Variants in ABCA6 observed in about 807,000 individuals in gnomAD.
ABCA6 encodes ATP binding cassette subfamily A member 6, also known as ATP-binding cassette sub-family A member 6.
Under a neutral mutation model 191.2 loss-of-function variants are expected in ABCA6, and 164 were observed. The ratio of observed to expected loss-of-function variants is 0.86; its 90% CI spans 0.76 to 0.98. The LOEUF (loss-of-function observed/expected upper bound fraction) is 0.98. Among genes scored for constraint, ABCA6 ranks in the 50% least tolerant of loss-of-function variants. ABCA6 has a pLI of 0.00. For missense variants in ABCA6, 1,958 were observed against 1,894.1 expected, an observed-to-expected ratio of 1.03 and a Z score of -0.63; for synonymous variants, 636 against 647.7, an observed-to-expected ratio of 0.98 and a Z score of 0.27.
intron 37 of ABCA6, among the ~76,000 whole-genome samples, chr17:69,079,824 G>T (rs565380359): frequency 3.3e-5 from 5 of 152,206 alleles, no homozygotes; most frequent in Non-Finnish European, 7.3e-5. Flanking sequence ...GATATAGTTT[G>T]CATTTTAGTG....
chr17:69,080,592 C>T (rs1253953404), intron 37 of ABCA6, among the ~76,000 whole-genome samples: 1 of 152,096 alleles, frequency 6.6e-6, no homozygotes, highest in East Asian at 1.9e-4. Context: ...TGCACAGACA[C>T]AAGGAGGTTG....
rs1181440571 is a variant in ABCA6 at position 69,096,245 on chromosome 17, A to G, written c.3403T>C (p.Phe1135Leu). 6.9e-7 allele frequency: 1 copy of G among 1,442,884 alleles called. No homozygotes were observed. The highest frequency in any genetic ancestry group is 1.4e-5 in the South Asian group (1 of 71,946). 89.4% of individuals were successfully genotyped at this position (1,442,884 alleles called of 1,614,324 possible). The change falls in exon 25 of 39, where the codon TTT (phenylalanine) becomes CTT (leucine). Residue 1135 changes from phenylalanine (F) to leucine (L), a missense_variant. Phe to Leu is a conservative substitution (Grantham distance 22, BLOSUM62 0). Coordinates refer to ENST00000284425, the MANE Select transcript of ABCA6 (RefSeq NM_080284.3). ...TGTATGTATTATATACTTACAAAAA[A>G]GAAGTAAAATGACCAAAGGCCACTG... ...KNSGLWSFYF[F>L]FASTIMFSIT...
chr17:69,083,153 C>A, intron 35 of ABCA6, 59 bp downstream of exon 35: 1 of 1,560,838 alleles, frequency 6.4e-7, no homozygotes, highest in Non-Finnish European at 8.6e-7. Flanking sequence ...GGGATTTTTG[C>A]CCTTTCCATG....
At chr17:69,129,259 C>G (rs2073814947) in intron 7 of ABCA6, among the ~76,000 whole-genome samples, 2 of 152,066 alleles carry the variant, frequency 1.3e-5, no homozygotes, top group Non-Finnish European at 2.9e-5. Flanking sequence ...TTGTGATCAG[C>G]TACCATGTGA....
At position 69,082,260 on chromosome 17, in the gene ABCA6, C is replaced by T. The variant is rs1004890241; in HGVS notation, c.4616+613G>A. Among the ~76,000 whole-genome samples the T allele has an allele frequency of 2.0e-5, 3 of 151,862 alleles. No individual in the cohort carries two copies. The East Asian group carries it at 5.8e-4, about 29-fold the overall frequency. On this transcript the variant is annotated intron_variant, in intron 36 of 38. Coordinates refer to ENST00000284425, the MANE Select transcript of ABCA6 (RefSeq NM_080284.3). ...ATTTTTTGATGTACTTATCTCTCCACGGGAATTTCAAATTCAGTTTCTGCT... is the reference window on the plus strand; with the variant it reads ...ATTTTTTGATGTACTTATCTCTCCATGGGAATTTCAAATTCAGTTTCTGCT...
intron 10 of ABCA6, among the ~76,000 whole-genome samples, chr17:69,122,087 G>A (rs901177431): frequency 6.6e-6 from 1 of 152,036 alleles, no homozygotes; most frequent in Admixed American, 6.6e-5. Context: ...TATGTTAAGA[G>A]CATAGACTGT....
At position 69,123,217 on chromosome 17, in the gene ABCA6, T is replaced by C. The variant is rs1353171334; in HGVS notation, c.1436+22A>G. The stretch of plus-strand genomic sequence containing the variant: ...CTTCAGCCTTGTGCTCATGCATTAG[T>C]ATTACTTATAAGTGTGATTACCTGA... On this transcript the variant is annotated intron_variant, in intron 10 of 38. Coordinates refer to ENST00000284425, the MANE Select transcript of ABCA6 (RefSeq NM_080284.3). 1.5e-5 allele frequency: 21 copies of C among 1,382,064 alleles called. No individual in the cohort carries two copies. The Admixed American group carries it at 2.8e-4, about 18-fold the overall frequency. 85.6% of individuals were successfully genotyped at this position (1,382,064 alleles called of 1,614,324 possible). A position where few individuals can be genotyped will look rare whatever the true frequency, so the allele number is the denominator to read the frequency against.
Position 69,097,911 on chromosome 17 carries a change from T to A in ABCA6, c.3120+9A>T. 1 of 1,564,378 alleles carries A rather than the reference T, an allele frequency of 6.4e-7. No homozygotes were observed. The highest frequency in any genetic ancestry group is 8.6e-7 in the Non-Finnish European group (1 of 1,159,678). On this transcript the variant is annotated intron_variant, in intron 23 of 38. Transcript: ENST00000284425. ...CCTGAAATTTCTTCTTTTCCCTGCT[T>A]TTTCTTACCTTGTAATCACTGATGC...
At chr17:69,085,795 T>A in intron 30 of ABCA6, 79 bp from the exon 31 acceptor site, 3 of 966,548 alleles carry the variant, frequency 3.1e-6, no homozygotes, top group Non-Finnish European at 4.9e-6. Context: ...TGAAATCTTC[T>A]GAGATTTCTG....
chr17:69,100,510 C>T lies in ABCA6; in HGVS notation c.3012+287G>A, dbSNP rs567094802. On this transcript the variant is annotated intron_variant, in intron 22 of 38. Transcript: ENST00000284425. ...TTTCCAAGTCAGTGTTTTCTTTTTT[C>T]TGTTTCTCTTTCTCATACACTTCCA... Among the ~76,000 whole-genome samples, 3 of 152,032 alleles carry T rather than the reference C, an allele frequency of 2.0e-5. No homozygotes were observed. The South Asian group carries it at 6.2e-4, about 32-fold the overall frequency.
intron 10 of ABCA6, among the ~76,000 whole-genome samples, chr17:69,121,500 C>T (rs1477173522): frequency 6.6e-6 from 1 of 151,948 alleles, no homozygotes; most frequent in Non-Finnish European, 1.5e-5. Context: ...TTGTCAGTAG[C>T]CTCAGGTCTC....
At position 69,100,903 on chromosome 17, in the gene ABCA6, T is replaced by C. The variant is rs2073165377; in HGVS notation, c.2906A>G (p.Lys969Arg). The change falls in exon 22 of 39, where the codon AAG becomes AGG. Residue 969 changes from lysine to arginine, a missense_variant. Coordinates refer to ENST00000284425, the MANE Select transcript of ABCA6 (RefSeq NM_080284.3). ...DYRFSVVCNT[K>R]RLHCFPILMN... is the part of the protein sequence containing the mutation. ...AAGAATTGGAAAACAGTGCAATCTC[T>C]TGGTATTACACACAACTGAAAATCT... 1 of 1,603,086 alleles carries C rather than the reference T, an allele frequency of 6.2e-7. No individual in the cohort carries two copies. The highest frequency in any genetic ancestry group is 1.7e-5 in the Admixed American group (1 of 59,558).
intron 25 of ABCA6, among the ~76,000 whole-genome samples, chr17:69,091,892 T>C (rs1214502444): frequency 1.3e-5 from 2 of 152,178 alleles, no homozygotes; most frequent in African/African-American, 4.8e-5. Context: ...TACCTTTTTA[T>C]GGCTAAGGTA....
chr17:69,107,080 C>T (rs1166557004), intron 18 of ABCA6, among the ~76,000 whole-genome samples: 1 of 152,154 alleles, frequency 6.6e-6, no homozygotes, highest in Non-Finnish European at 1.5e-5. Flanking sequence ...ACTACCAGAT[C>T]TGTACATGTA....
intron 21 of ABCA6, 125 bp downstream of exon 21, chr17:69,102,710 A>T (rs1598461461): frequency 1.1e-6 from 1 of 886,954 alleles, no homozygotes; most frequent in Non-Finnish European, 1.6e-6. Context: ...ACAGTTTATT[A>T]AATAACAACC....
In ABCA6 at chr17:69,079,248, G is replaced by A; in HGVS notation, c.4714C>T (p.Leu1572=). 1.9e-6 allele frequency: 3 copies of A among 1,604,626 alleles called. No homozygotes were observed. Among genetic ancestry groups the A allele is most frequent in the Non-Finnish European group, 2.6e-6 (3 of 1,175,178 alleles). The change falls in exon 38 of 39, where the codon CTG becomes TTG. Residue 1572 remains leucine (L), a synonymous_variant. Coordinates refer to ENST00000284425, the MANE Select transcript of ABCA6 (RefSeq NM_080284.3). ...KLEAVKHNFN[L]EEYSLSQCTL... is the part of the protein sequence containing the mutation. ...CACTGAGAAAGGCTGTATTCTTCCA[G>A]GTTAAAGTTATGCTTCACTGGAGGA...
At chr17:69,125,118 A>T (rs2073725880) in intron 8 of ABCA6, 83 bp from the exon 9 acceptor site, 1 of 750,920 alleles carries the variant, frequency 1.3e-6, no homozygotes, top group Non-Finnish European at 1.9e-6. Context: ...TAATTTATTA[A>T]CTAGCTTTTT....
Position 69,106,048 on chromosome 17 carries a change from T to A in ABCA6, c.2553A>T (p.Gln851His), listed in dbSNP as rs754818870. ...ARLRFLKLKRQTKVLLTLLLV... is the reference protein window; with the variant it reads ...ARLRFLKLKRHTKVLLTLLLV... Reference sequence around the variant, plus strand: ...CTCACAGGGTCAATAACACTTTAGTTTGACGTTTTAACTTTAAGAAACGGA... The same window carrying A: ...CTCACAGGGTCAATAACACTTTAGTATGACGTTTTAACTTTAAGAAACGGA... The change falls in exon 19 of 39, where the codon CAA becomes CAT. Residue 851 changes from glutamine (Q) to histidine (H), a missense_variant. Physicochemically the swap from Gln to His is conservative, Grantham distance 24 (BLOSUM62 0). Coordinates refer to ENST00000284425, the MANE Select transcript of ABCA6 (RefSeq NM_080284.3). 1.2e-6 allele frequency: 2 copies of A among 1,612,386 alleles called. No individual in the cohort carries two copies. The highest frequency in any genetic ancestry group is 1.7e-6 in the Non-Finnish European group (2 of 1,179,228).
At chr17:69,112,955 T>C (rs182760915) in intron 15 of ABCA6, 8 of 254,478 alleles carry the variant, frequency 3.1e-5, no homozygotes, top group Middle Eastern at 1.1e-3. Context: ...ATTAAATATA[T>C]ATAAAAAAAG....
Sources: gnomAD v4.1 joint callset for allele counts (sites outside exome capture counted in the v4.1 genomes callset) on GRCh38, gnomAD v4.1.1 for gene constraint, MANE v1.5 for transcripts, NCBI Gene and HGNC (gene_info 2026-07-23, HGNC 2026-07-21) for gene names.